CLVS1: variants seen among roughly 807,000 people sequenced by gnomAD.
CLVS1 encodes clavesin-1.
Under a neutral mutation model 33.1 loss-of-function variants are expected in CLVS1, and 10 were observed. That is an observed-to-expected ratio of 0.30 (90% CI 0.19 to 0.51). The LOEUF is 0.51. CLVS1 is among the 20% of genes least tolerant of loss of function. The probability of loss-of-function intolerance (pLI) is 0.97; values close to 1 mark genes in which losing one functional copy is unlikely to be tolerated. For missense variants in CLVS1, 343 were observed against 433.4 expected (o/e 0.79, Z 1.85); for synonymous variants, 163 against 166.1 (o/e 0.98, Z 0.14).
chr8:61,245,678 GAT>G (rs201719166), intron 2 of CLVS1, among the ~76,000 whole-genome samples: 1 of 150,572 alleles, frequency 6.6e-6, no homozygotes, highest in Non-Finnish European at 1.5e-5. Context: ...TATATGAATG[GAT>G]ATATATATAC....
chr8:61,259,856 A>C (rs1186224724), intron 2 of CLVS1, among the ~76,000 whole-genome samples: 2 of 152,204 alleles, frequency 1.3e-5, no homozygotes, highest in Non-Finnish European at 2.9e-5. Context: ...ATATCCCTGC[A>C]TGCAGAGGGT....
chr8:61,210,930 G>A (rs1382244339), intron 2 of CLVS1, among the ~76,000 whole-genome samples: 2 of 152,072 alleles, frequency 1.3e-5, no homozygotes, highest in Non-Finnish European at 2.9e-5. Context: ...TACATTTTAG[G>A]GAAGAGAGGG....
chr8:61,287,938 C>T (rs961135461), upstream of CLVS1: 1 of 369,214 alleles, frequency 2.7e-6, no homozygotes, highest in Admixed American at 3.3e-5. Flanking sequence ...AAGCTAGGCT[C>T]CGTATAGAAG....
intron 2 of CLVS1, among the ~76,000 whole-genome samples, chr8:61,273,326 C>T (rs987674606): frequency 1.5e-4 from 23 of 152,180 alleles, no homozygotes; most frequent in Non-Finnish European, 3.1e-4. Flanking sequence ...CAGGGACCCA[C>T]TTGAGGAGGC....
At chr8:61,375,268 T>G (rs1585880785) in intron 2 of CLVS1, among the ~76,000 whole-genome samples, 1 of 119,974 alleles carries the variant, frequency 8.3e-6, no homozygotes, top group East Asian at 2.4e-4. Flanking sequence ...TTTTTTTTTA[T>G]GAGACAGAGG....
intron 3 of CLVS1, among the ~76,000 whole-genome samples, chr8:61,450,409 A>G (rs1032447233): frequency 6.6e-6 from 1 of 152,220 alleles, no homozygotes; most frequent in Non-Finnish European, 1.5e-5. Context: ...TGATATTGCC[A>G]TAAAATGAAA....
At chr8:61,022,945 C>T in the CLVS1 span, among the ~76,000 whole-genome samples, 1 of 152,222 alleles carries the variant, frequency 6.6e-6, no homozygotes, top group Non-Finnish European at 1.5e-5. Context: ...GAGAATGTGA[C>T]GGCTGCATTT....
intron 2 of CLVS1, among the ~76,000 whole-genome samples, chr8:61,303,393 T>C (rs1810505629): frequency 6.6e-6 from 1 of 152,232 alleles, no homozygotes. Flanking sequence ...GTTTGAACTA[T>C]GTAATTCCTG....
intron 2 of CLVS1, among the ~76,000 whole-genome samples, chr8:61,347,924 C>T (rs994517761): frequency 6.6e-6 from 1 of 151,486 alleles, no homozygotes; most frequent in Non-Finnish European, 1.5e-5. Context: ...TCTCCATATT[C>T]TTTCCATTAA....
intron 5 of CLVS1, among the ~76,000 whole-genome samples, chr8:61,459,100 T>C (rs1372764477): frequency 1.3e-5 from 2 of 151,986 alleles, no homozygotes; most frequent in African/African-American, 4.8e-5. Flanking sequence ...GGAAATGGCA[T>C]ATAGCAATCC....
intron 2 of CLVS1, among the ~76,000 whole-genome samples, chr8:61,232,022 G>GTTTT (rs376185436): frequency 0.01 from 1,226 of 116,938 alleles, 186 homozygotes; most frequent in East Asian, 0.03. Context: ...GGAAAGTTGT[G>GTTTT]GTTTTTTTTT....
At chr8:61,171,313 G>A (rs545088488) in intron 2 of CLVS1, among the ~76,000 whole-genome samples, 96 of 152,272 alleles carry the variant, frequency 6.3e-4, no homozygotes, top group African/African-American at 1.7e-3. Flanking sequence ...AAATTAATCA[G>A]TATAAAAAGT....
chr8:61,118,404 C>T (rs1209249859), intron 1 of CLVS1, among the ~76,000 whole-genome samples: 2 of 141,364 alleles, frequency 1.4e-5, no homozygotes, highest in Admixed American at 7.1e-5. Flanking sequence ...TTATTTCTTG[C>T]CTTCTGCTAG....
chr8:61,383,721 C>T (rs2129602053), intron 3 of CLVS1, among the ~76,000 whole-genome samples: 1 of 152,316 alleles, frequency 6.6e-6, no homozygotes, highest in Middle Eastern at 3.4e-3. Flanking sequence ...ATGGCAGGCT[C>T]AGTATGGCCC....
chr8:61,389,624 T>C (rs566347629), intron 3 of CLVS1, among the ~76,000 whole-genome samples: 31 of 152,152 alleles, frequency 2.0e-4, no homozygotes, highest in African/African-American at 7.2e-4. Flanking sequence ...TAGAAAGCAC[T>C]ATGACTGAGG....
chr8:60,994,698 G>C, the CLVS1 span, among the ~76,000 whole-genome samples: 27 of 152,314 alleles, frequency 1.8e-4, no homozygotes, highest in Admixed American at 1.6e-3. Context: ...GGCAATGCGG[G>C]CTCTTTTTTG....
the CLVS1 span, among the ~76,000 whole-genome samples, chr8:61,023,357 C>T: frequency 6.6e-6 from 1 of 152,252 alleles, no homozygotes; most frequent in South Asian, 2.1e-4. Flanking sequence ...TTTGTTTACA[C>T]AGCTTGGAGA....
chr8:61,274,856 C>T (rs1359985106), intron 2 of CLVS1, among the ~76,000 whole-genome samples: 1 of 152,146 alleles, frequency 6.6e-6, no homozygotes, highest in African/African-American at 2.4e-5. Flanking sequence ...CTGTCCATTT[C>T]TCCAAGTACA....
intron 2 of CLVS1, among the ~76,000 whole-genome samples, chr8:61,264,140 G>C (rs900889350): frequency 1.3e-5 from 2 of 152,030 alleles, no homozygotes; most frequent in African/African-American, 4.8e-5. Flanking sequence ...GCTCAAGCTG[G>C]CACTTGAGCC....
Sources: gnomAD v4.1 joint callset for allele counts (sites outside exome capture counted in the v4.1 genomes callset) on GRCh38, gnomAD v4.1.1 for gene constraint, MANE v1.5 for transcripts, NCBI Gene and HGNC (gene_info 2026-07-23, HGNC 2026-07-21) for gene names.